Variants in RYR3 observed in about 807,000 individuals in gnomAD.
RYR3 encodes the protein brain ryanodine receptor-calcium release channel.
RYR3 carries 207 observed loss-of-function variants against 584.3 expected under a neutral mutation model. The ratio of observed to expected loss-of-function variants is 0.35; its 90% CI spans 0.32 to 0.40. RYR3 has a LOEUF of 0.40. Among genes scored for constraint, RYR3 ranks in the 10% least tolerant of loss-of-function variants. The pLI is 1.00. For synonymous variants in RYR3, 2,416 were observed against 2,248.5 expected, an observed-to-expected ratio of 1.07 and a Z score of -2.11; for missense variants, 5,616 against 6,089.2, an observed-to-expected ratio of 0.92 and a Z score of 2.59.
intron 2 of RYR3, 116 bp downstream of exon 2, chr15:33,473,654 T>G: frequency 1.9e-6 from 2 of 1,041,504 alleles, no homozygotes; most frequent in South Asian, 3.2e-5. Context: ...ACACATTTAT[T>G]TTTTAAATGG....
intron 27 of RYR3, among the ~76,000 whole-genome samples, 152 bp from the exon 28 acceptor site, chr15:33,644,159 T>G (rs543727669): frequency 1.6e-4 from 24 of 152,244 alleles, no homozygotes; most frequent in African/African-American, 5.5e-4. Flanking sequence ...GTTGTTGATT[T>G]TATGTGCCAG....
intron 1 of RYR3, among the ~76,000 whole-genome samples, chr15:33,364,956 A>G (rs75306070): frequency 0.041 from 6,291 of 152,268 alleles, 458 homozygotes; most frequent in African/African-American, 0.14. Flanking sequence ...GGAAGACAAG[A>G]AGGTATATAA....
At chr15:33,703,245 G>A (rs1452400150) in intron 42 of RYR3, among the ~76,000 whole-genome samples, 1 of 152,144 alleles carries the variant, frequency 6.6e-6, no homozygotes, top group Admixed American at 6.5e-5. Flanking sequence ...CAGACAAAAC[G>A]CCCGTGTTTG....
rs2041083164 is a variant in RYR3, at chr15:33,380,219, C to CAAGG, written c.51+69124_51+69125insAGGA. ...CAAGTTGACACCTAATATTAACCATCACAGAATCCTTGAACTCTGTCCGAT... is the reference window on the plus strand; with the variant it reads ...CAAGTTGACACCTAATATTAACCATCAAGGACAGAATCCTTGAACTCTGTCCGAT... On this transcript the variant is annotated intron_variant, in intron 1 of 103. Transcript: ENST00000634891. Among the ~76,000 whole-genome samples, 3 of 152,226 alleles carry CAAGG rather than the reference C, an allele frequency of 2.0e-5. No homozygotes were observed. In the South Asian group the frequency reaches 6.2e-4, roughly 32 times the overall value.
At chr15:33,593,625 C>T (rs992270177) in intron 16 of RYR3, among the ~76,000 whole-genome samples, 3 of 151,886 alleles carry the variant, frequency 2.0e-5, no homozygotes, top group Non-Finnish European at 4.4e-5. Context: ...TAAGAAAGCA[C>T]AACTTAGTTT....
intron 91 of RYR3, among the ~76,000 whole-genome samples, chr15:33,842,977 T>C (rs545393690): frequency 6.6e-6 from 1 of 152,152 alleles, no homozygotes; most frequent in Admixed American, 6.5e-5. Flanking sequence ...AATCAACATT[T>C]TGGTTCCATG....
At chr15:33,473,308 C>A in intron 1 of RYR3, 111 bp from the exon 2 acceptor site, 1 of 1,244,668 alleles carries the variant, frequency 8.0e-7, no homozygotes, top group Non-Finnish European at 1.2e-6. Context: ...AAACAAAAAG[C>A]ACGTGGCTGT....
At chr15:33,460,355 A>C (rs1567285294) in intron 1 of RYR3, among the ~76,000 whole-genome samples, 1 of 152,250 alleles carries the variant, frequency 6.6e-6, no homozygotes, top group East Asian at 1.9e-4. Flanking sequence ...GGGAGTGGTG[A>C]GTGATGGACA....
intron 20 of RYR3, among the ~76,000 whole-genome samples, chr15:33,624,549 C>G (rs1376728792): frequency 2.6e-5 from 4 of 152,044 alleles, no homozygotes. Context: ...GAAGTATAGA[C>G]AGGTGGCAAT....
At chr15:33,599,439 A>T (rs545474486) in intron 16 of RYR3, among the ~76,000 whole-genome samples, 2 of 152,318 alleles carry the variant, frequency 1.3e-5, no homozygotes, top group African/African-American at 4.8e-5. Context: ...CTCAATATAT[A>T]TAAGAAGTAC....
At chr15:33,434,475 T>G (rs2045480497) in intron 1 of RYR3, among the ~76,000 whole-genome samples, 1 of 152,196 alleles carries the variant, frequency 6.6e-6, no homozygotes, top group Non-Finnish European at 1.5e-5. Flanking sequence ...TGTCTAAAAC[T>G]TATCTTCTCT....
intron 2 of RYR3, among the ~76,000 whole-genome samples, chr15:33,494,529 A>T (rs1028021942): frequency 1.3e-5 from 2 of 152,166 alleles, no homozygotes; most frequent in Non-Finnish European, 2.9e-5. Context: ...CATCCCTAGA[A>T]TGAAGAAGCA....
At chr15:33,800,748 G>C (rs2075874074) in intron 67 of RYR3, 22 bp from the exon 68 acceptor site, 7 of 1,577,038 alleles carry the variant, frequency 4.4e-6, no homozygotes, top group Non-Finnish European at 6.1e-6. Context: ...TCAAATGCCT[G>C]TTTATTTACT....
chr15:33,562,316 C>T (rs1287398940), intron 10 of RYR3, among the ~76,000 whole-genome samples: 1 of 152,196 alleles, frequency 6.6e-6, no homozygotes, highest in African/African-American at 2.4e-5. Flanking sequence ...TTAGCTTAAG[C>T]CACGGTATTA....
rs773399788 is a variant in RYR3 at position 33,750,013 on chromosome 15, A to G, written c.8234A>G (p.Asn2745Ser). Residue 2745 changes from asparagine (N) to serine (S), a missense_variant, in exon 56 of 104, where the codon AAT becomes AGT. Physicochemically the swap from Asn to Ser is conservative, Grantham distance 46. This residue lies in a region of RYR3 where 1,280 missense variants were observed against 1,426.2 expected (regional missense o/e 0.90). Coordinates refer to ENST00000634891, the MANE Select transcript of RYR3 (RefSeq NM_001036.6). ...MVEVVAENYH[N>S]IWAKKKKLEL... ...GAGGTCGTGGCTGAGAACTATCACA[A>G]TATCTGGGCCAAGAAGAAGAAGCTG... 6 of 1,612,656 alleles carry G rather than the reference A, an allele frequency of 3.7e-6. No individual in the cohort carries two copies. Among genetic ancestry groups the G allele is most frequent in the East Asian group, 4.5e-5 (2 of 44,844 alleles).
In RYR3 at chr15:33,828,863, C is replaced by T. The variant is rs77131529; in HGVS notation, c.11334+1576C>T. The stretch of plus-strand genomic sequence containing the variant: ...GTCACACTAAACAACAGATTTCCCA[C>T]GTACATGAAACAGCCTTCTCCTAGA... On this transcript the variant is annotated intron_variant, in intron 85 of 103. Transcript: ENST00000634891. Among the ~76,000 whole-genome samples the T allele has an allele frequency of 3.3e-3, 500 of 152,328 alleles. 1 individual carries two copies. The highest frequency in any genetic ancestry group is 5.0e-3 in the Non-Finnish European group (341 of 68,032).
intron 103 of RYR3, 106 bp downstream of exon 103, chr15:33,864,295 C>A: frequency 1.2e-6 from 1 of 830,550 alleles, no homozygotes; most frequent in South Asian, 1.8e-5. Flanking sequence ...CCATTAATCC[C>A]GTGAATGCAT....
chr15:33,809,900 G>C (rs1160596053), intron 70 of RYR3, among the ~76,000 whole-genome samples: 1 of 152,164 alleles, frequency 6.6e-6, no homozygotes, highest in East Asian at 1.9e-4. Context: ...CATGGACTGA[G>C]GAGTTCCTTT....
chr15:33,566,848 C>T (rs758853118), intron 12 of RYR3, 49 bp downstream of exon 12: 6 of 1,602,854 alleles, frequency 3.7e-6, no homozygotes, highest in Non-Finnish European at 5.1e-6. Flanking sequence ...ACTCTGTGGC[C>T]TGCCAACACC....
Sources: gnomAD v4.1 joint callset for allele counts (sites outside exome capture counted in the v4.1 genomes callset) on GRCh38, gnomAD v4.1.1 for gene constraint, gnomAD v4.1.1 regional missense constraint, MANE v1.5 for transcripts, NCBI Gene and HGNC (gene_info 2026-07-23, HGNC 2026-07-21) for gene names.